PRMT2: variants seen among roughly 807,000 people sequenced by gnomAD.
PRMT2 encodes the protein protein arginine methyltransferase 2.
PRMT2 carries 26 observed loss-of-function variants against 57.6 expected under a neutral mutation model. That is an observed-to-expected ratio of 0.45 (90% CI 0.33 to 0.63). The LOEUF (loss-of-function observed/expected upper bound fraction) is 0.63, where lower values mean the gene tolerates loss of function less well. PRMT2 is among the 20% of genes least tolerant of loss of function. The pLI is 0.02. For synonymous variants in PRMT2, 219 were observed against 220.0 expected (o/e 1.00, Z 0.04); for missense variants, 472 against 564.4 (o/e 0.84, Z 1.66).
At chr21:46,641,000 A>G (rs557197756) in intron 3 of PRMT2, among the ~76,000 whole-genome samples, 2 of 151,578 alleles carry the variant, frequency 1.3e-5, no homozygotes, top group South Asian at 4.2e-4. Flanking sequence ...TTGTACCAAG[A>G]GTAGTCCCAG....
At chr21:46,660,402 C>T (rs1412483947) in intron 8 of PRMT2, among the ~76,000 whole-genome samples, 3 of 152,152 alleles carry the variant, frequency 2.0e-5, no homozygotes, top group African/African-American at 4.8e-5. Flanking sequence ...GCAGGAATAC[C>T]GCGTTCATTT....
intron 11 of PRMT2, 35 bp from the exon 12 acceptor site, chr21:46,664,260 C>T (rs1317459596): frequency 6.7e-7 from 1 of 1,501,990 alleles, no homozygotes; most frequent in South Asian, 1.1e-5. Context: ...AATGATTTAT[C>T]ATCTGATTGA....
At chr21:46,643,149 C>T (rs1017954013) in intron 3 of PRMT2, 6 of 155,992 alleles carry the variant, frequency 3.8e-5, no homozygotes, top group African/African-American at 1.4e-4. Flanking sequence ...TCCACAGGCC[C>T]CTGGCTGTGC....
At chr21:46,664,245 A>T in intron 11 of PRMT2, 50 bp from the exon 12 acceptor site, 1 of 1,441,182 alleles carries the variant, frequency 6.9e-7, no homozygotes, top group Non-Finnish European at 9.8e-7. Flanking sequence ...GTAGTATGTT[A>T]ATCAAATGAT....
At chr21:46,641,787 G>A (rs1419101318) in intron 3 of PRMT2, among the ~76,000 whole-genome samples, 1 of 151,964 alleles carries the variant, frequency 6.6e-6, no homozygotes, top group Non-Finnish European at 1.5e-5. Context: ...CATGGGCATG[G>A]TGGAGGTGTG....
rs754340189 is a variant in PRMT2 at position 46,664,487 on chromosome 21, CACAG to C, written c.*164_*167del. ...CCTGGCAGGTGACGTCAGGGTCCTT[CACAG>C]ACAAACACGCTTGGGCTCGGCAGGA... On this transcript the variant is annotated 3_prime_UTR_variant, in exon 12 of 12. Transcript: ENST00000355680. 2.4e-4 allele frequency: 213 copies of C among 885,628 alleles called. No individual in the cohort carries two copies. The highest frequency in any genetic ancestry group is 3.6e-4 in the Non-Finnish European group (199 of 554,666). The allele number at this position is 885,628 out of a possible 1,614,324, so 54.9% of individuals were successfully genotyped here.
chr21:46,637,839 A>C (rs2061202638), intron 3 of PRMT2, among the ~76,000 whole-genome samples: 1 of 152,124 alleles, frequency 6.6e-6, no homozygotes, highest in Non-Finnish European at 1.5e-5. Flanking sequence ...TCTGTAGTTC[A>C]GCTACTCAGG....
chr21:46,651,681 C>CG, intron 7 of PRMT2: 3 of 1,090,148 alleles, frequency 2.8e-6, no homozygotes, highest in Non-Finnish European at 4.0e-6. Context: ...ACAGGGCAGA[C>CG]GGGGCTGCAA....
At chr21:46,660,713 T>C in intron 8 of PRMT2, 120 bp from the exon 9 acceptor site, 1 of 1,312,006 alleles carries the variant, frequency 7.6e-7, no homozygotes, top group Non-Finnish European at 1.0e-6. Flanking sequence ...GGGCCCCAGA[T>C]AGTGGCTTAG....
At chr21:46,661,139 CTTT>C in intron 9 of PRMT2, 177 bp downstream of exon 9, 2 of 588,418 alleles carry the variant, frequency 3.4e-6, no homozygotes, top group Non-Finnish European at 5.4e-6. Context: ...TTTTTCCAGT[CTTT>C]TTTCTTTTTT....
intron 7 of PRMT2, chr21:46,658,225 G>C (rs1736687552): frequency 6.5e-6 from 1 of 153,002 alleles, no homozygotes; most frequent in Non-Finnish European, 1.5e-5. Context: ...GATGTGATGT[G>C]CTTCCCTTGA....
intron 10 of PRMT2, among the ~76,000 whole-genome samples, chr21:46,662,378 C>T (rs1004821333): frequency 6.6e-6 from 1 of 152,240 alleles, no homozygotes; most frequent in African/African-American, 2.4e-5. Flanking sequence ...CAGGGCCCTG[C>T]AGGCCTTCCC....
chr21:46,658,487 C>T (rs2061571862), intron 7 of PRMT2: 4 of 458,546 alleles, frequency 8.7e-6, no homozygotes, highest in Non-Finnish European at 1.1e-5. Context: ...TTTGTCCTTG[C>T]TTTTAGCTCT....
At chr21:46,651,704 C>A in intron 7 of PRMT2, 1 of 1,327,580 alleles carries the variant, frequency 7.5e-7, no homozygotes, top group Non-Finnish European at 1.0e-6. Flanking sequence ...GTTCCTATGG[C>A]GATAGTTGTT....
Position 46,664,602 on chromosome 21 carries a change from C to G in PRMT2, c.*275C>G, listed in dbSNP as rs556661801. 1.8e-6 allele frequency: 1 copy of G among 548,116 alleles called. No homozygotes were observed. Among genetic ancestry groups the G allele is most frequent in the African/African-American group, 1.9e-5 (1 of 52,864 alleles). 34.0% of individuals were successfully genotyped at this position (548,116 alleles called of 1,614,324 possible). On this transcript the variant is annotated 3_prime_UTR_variant, in exon 12 of 12. Coordinates refer to ENST00000355680, the MANE Select transcript of PRMT2 (RefSeq NM_206962.4). ...GTGTTCACCCGTGGTGCCCACAGTGCCGACCCGTGGCTGGGTCGGAGCTCC... is the reference window on the plus strand; with the variant it reads ...GTGTTCACCCGTGGTGCCCACAGTGGCGACCCGTGGCTGGGTCGGAGCTCC...
Position 46,644,309 on chromosome 21 carries a change from A to G in PRMT2, c.148A>G (p.Ser50Gly). The change falls in exon 5 of 12, where the codon AGT becomes GGT. Residue 50 changes from serine (S) to glycine (G), a missense_variant. Ser to Gly is a moderately conservative substitution (Grantham distance 56). Transcript: ENST00000355680. ...DYAATDETQL[S>G]FLRGEKILIL... ...ATTTTAACTTTTTTTTTTCCAGCTC[A>G]GTTTTTTGAGAGGAGAAAAAATTCT... 1.3e-6 allele frequency: 2 copies of G among 1,598,600 alleles called. No homozygotes were observed. Among genetic ancestry groups the G allele is most frequent in the Non-Finnish European group, 1.7e-6 (2 of 1,175,640 alleles).
At chr21:46,651,906 C>T (rs143669782) in intron 7 of PRMT2, 54 of 1,613,118 alleles carry the variant, frequency 3.3e-5, no homozygotes, top group South Asian at 1.1e-4. Context: ...TGCACCTGTG[C>T]GTCTGTCCCT....
At chr21:46,645,086 C>G (rs1165452409) in intron 5 of PRMT2, among the ~76,000 whole-genome samples, 2 of 141,446 alleles carry the variant, frequency 1.4e-5, no homozygotes, top group Non-Finnish European at 3.1e-5. Flanking sequence ...TATAATTCGT[C>G]TCTACAAAAA....
In PRMT2 at chr21:46,664,510, G is replaced by T; in HGVS notation, c.*183G>T. ...TTCACAGACAAACACGCTTGGGCTC[G>T]GCAGGAGCTGCCGTGGCCACCCCCG... On this transcript the variant is annotated 3_prime_UTR_variant, in exon 12 of 12. Transcript: ENST00000355680. 2.7e-6 allele frequency: 2 copies of T among 740,662 alleles called. No individual in the cohort carries two copies. Among genetic ancestry groups the T allele is most frequent in the Non-Finnish European group, 4.6e-6 (2 of 439,064 alleles). 45.9% of individuals were successfully genotyped at this position (740,662 alleles called of 1,614,324 possible). A position where few individuals can be genotyped will look rare whatever the true frequency, so the allele number is the denominator to read the frequency against.
Sources: gnomAD v4.1 joint callset for allele counts (sites outside exome capture counted in the v4.1 genomes callset) on GRCh38, gnomAD v4.1.1 for gene constraint, MANE v1.5 for transcripts, NCBI Gene and HGNC (gene_info 2026-07-23, HGNC 2026-07-21) for gene names.